The following TMPRSS15 variants were observed in gnomAD, a reference collection of about 807,000 sequenced individuals.
TMPRSS15 encodes transmembrane serine protease 15, also known as enteropeptidase.
A neutral mutation model predicts 125.3 loss-of-function variants in TMPRSS15; 128 were observed. That is an observed-to-expected ratio of 1.02 (90% CI 0.89 to 1.18). TMPRSS15 has a LOEUF of 1.18. TMPRSS15 is among the 50% of genes most tolerant of loss of function. The probability of loss-of-function intolerance (pLI) is 0.00; values close to 1 mark genes in which losing one functional copy is unlikely to be tolerated. For synonymous variants in TMPRSS15, 446 were observed against 423.2 expected, an observed-to-expected ratio of 1.05 and a Z score of -0.66; for missense variants, 1,283 against 1,212.7, an observed-to-expected ratio of 1.06 and a Z score of -0.86.
At chr21:18,323,725 C>T (rs2075263200) in intron 16 of TMPRSS15, among the ~76,000 whole-genome samples, 1 of 151,904 alleles carries the variant, frequency 6.6e-6, no homozygotes, top group South Asian at 2.1e-4. Context: ...TTCAAAAATC[C>T]TTTCCTTGAC....
At chr21:18,370,757 G>A (rs2075784442) in intron 6 of TMPRSS15, among the ~76,000 whole-genome samples, 1 of 152,070 alleles carries the variant, frequency 6.6e-6, no homozygotes, top group Non-Finnish European at 1.5e-5. Flanking sequence ...TAGTAGAGTT[G>A]CCTTTCATTG....
chr21:18,325,626 G>A (rs376491401), intron 16 of TMPRSS15, among the ~76,000 whole-genome samples: 21 of 152,054 alleles, frequency 1.4e-4, no homozygotes, highest in African/African-American at 3.4e-4. Flanking sequence ...GGAAGAGAAA[G>A]AGAGATGTAG....
intron 1 of TMPRSS15, among the ~76,000 whole-genome samples, chr21:18,440,788 A>T (rs1212829506): frequency 6.6e-6 from 1 of 152,190 alleles, no homozygotes; most frequent in Non-Finnish European, 1.5e-5. Context: ...ATTGACATTC[A>T]TTGTAGTATC....
intron 1 of TMPRSS15, among the ~76,000 whole-genome samples, chr21:18,481,133 G>A (rs1482621883): frequency 6.6e-6 from 1 of 151,742 alleles, no homozygotes; most frequent in Non-Finnish European, 1.5e-5. Flanking sequence ...TGTGTCCTCT[G>A]GAAAGTTATT....
At chr21:18,354,682 G>C (rs184399635) in intron 8 of TMPRSS15, among the ~76,000 whole-genome samples, 8 of 151,822 alleles carry the variant, frequency 5.3e-5, no homozygotes, top group African/African-American at 1.9e-4. Flanking sequence ...TAGTGCATAT[G>C]AAATATTAGA....
intron 23 of TMPRSS15, 42 bp downstream of exon 23, chr21:18,278,922 A>G: frequency 1.2e-6 from 1 of 838,468 alleles, no homozygotes; most frequent in Non-Finnish European, 1.9e-6. Flanking sequence ...TTCACCAGTA[A>G]GGTTTTTTTT....
At chr21:18,334,005 A>G (rs2075368384) in intron 13 of TMPRSS15, among the ~76,000 whole-genome samples, 1 of 152,116 alleles carries the variant, frequency 6.6e-6, no homozygotes, top group South Asian at 2.1e-4. Context: ...TGAAAGGCAT[A>G]TAATACTGAG....
intron 1 of TMPRSS15, among the ~76,000 whole-genome samples, chr21:18,478,917 ACT>A (rs1396391744): frequency 4.0e-5 from 6 of 151,844 alleles, no homozygotes; most frequent in Non-Finnish European, 8.8e-5. Context: ...CACCCTCCAG[ACT>A]CTCACAGATA....
chr21:18,482,903 C>G (rs1979010012), intron 1 of TMPRSS15, among the ~76,000 whole-genome samples: 1 of 151,720 alleles, frequency 6.6e-6, no homozygotes, highest in Non-Finnish European at 1.5e-5. Flanking sequence ...TAATATGTAA[C>G]TATTTCCTTA....
Position 18,451,752 on chromosome 21 carries a change from TG to T in TMPRSS15, c.10+34046del, listed in dbSNP as rs574634894. Among the ~76,000 whole-genome samples, 5 of 152,308 alleles carry T rather than the reference TG, an allele frequency of 3.3e-5. No homozygotes were observed. The South Asian group carries it at 6.2e-4, about 19-fold the overall frequency. On this transcript the variant is annotated intron_variant, in intron 1 of 7. Transcript: ENST00000422787. ...TACTCTGTTTTCTATACTTTCCTGG[TG>T]GAAAAGGTTCAGTTTTTGTATGACT... is the stretch of plus-strand genomic sequence containing the variant.
In TMPRSS15 at chr21:18,279,017, A is replaced by C; in HGVS notation, c.2711T>G (p.Phe904Cys). Residue 904 changes from phenylalanine (F) to cysteine (C), a missense_variant, in exon 23 of 25, where the codon TTT becomes TGT. Phe to Cys is a radical substitution (Grantham distance 205). Transcript: ENST00000284885. ...PICLPEENQV[F>C]PPGRNCSIAG... ...AATAGAACAATTTCTTCCTGGAGGAAAAACTTGATTTTCTTCCGGTAAACA... is the reference window on the plus strand; with the variant it reads ...AATAGAACAATTTCTTCCTGGAGGACAAACTTGATTTTCTTCCGGTAAACA... The C allele has an allele frequency of 6.2e-7, 1 of 1,604,102 alleles. No individual in the cohort carries two copies. Among genetic ancestry groups the C allele is most frequent in the South Asian group, 1.1e-5 (1 of 90,452 alleles).
intron 3 of TMPRSS15, among the ~76,000 whole-genome samples, chr21:18,384,540 A>C (rs764802956): frequency 1.3e-5 from 2 of 152,166 alleles, no homozygotes; most frequent in Non-Finnish European, 2.9e-5. Flanking sequence ...CAGTGTAAAG[A>C]AAGAGAAAAA....
At chr21:18,281,654 T>C (rs1344640717) in intron 21 of TMPRSS15, among the ~76,000 whole-genome samples, 1 of 152,162 alleles carries the variant, frequency 6.6e-6, no homozygotes, top group African/African-American at 2.4e-5. Context: ...TATGGCTAGG[T>C]TGGAGAACCT....
In TMPRSS15 at chr21:18,326,584, GA is replaced by G. The variant is rs1309180222; in HGVS notation, c.1781-13del. ...CCCTGTGTACACAGCTGTTCCAAAG[GA>G]AAACGAGATAATCAGTGAGATGATC... On this transcript the variant is annotated splice_polypyrimidine_tract_variant and intron_variant, in intron 15 of 24. Transcript: ENST00000284885. The G allele has an allele frequency of 1.2e-6, 2 of 1,613,972 alleles. No homozygotes were observed. The highest frequency in any genetic ancestry group is 2.2e-5 in the East Asian group (1 of 44,868).
intron 1 of TMPRSS15, among the ~76,000 whole-genome samples, chr21:18,460,360 T>C (rs1401861270): frequency 6.9e-6 from 1 of 145,108 alleles, no homozygotes; most frequent in African/African-American, 2.9e-5. Flanking sequence ...CATTTTTTCT[T>C]TCTCGAGTGG....
At chr21:18,272,615 C>T (rs1043573322) in intron 24 of TMPRSS15, among the ~76,000 whole-genome samples, 7 of 152,034 alleles carry the variant, frequency 4.6e-5, no homozygotes, top group African/African-American at 1.7e-4. Flanking sequence ...ATCCCAGCTA[C>T]TCGGGAGGCT....
chr21:18,298,546 C>A (rs1248687183), intron 18 of TMPRSS15, among the ~76,000 whole-genome samples: 13 of 152,210 alleles, frequency 8.5e-5, no homozygotes, highest in Non-Finnish European at 1.5e-5. Flanking sequence ...ATGCTCTCAA[C>A]TGTGAGCTCT....
At chr21:18,291,373 C>T (rs1441014401) in intron 21 of TMPRSS15, among the ~76,000 whole-genome samples, 1 of 152,158 alleles carries the variant, frequency 6.6e-6, no homozygotes, top group Admixed American at 6.5e-5. Flanking sequence ...ATAGAGAAAC[C>T]GAACAGGCAC....
intron 6 of TMPRSS15, among the ~76,000 whole-genome samples, chr21:18,365,743 C>CTT (rs36165986): frequency 0.011 from 957 of 83,854 alleles, 54 homozygotes; most frequent in African/African-American, 0.026. Flanking sequence ...CTCTTTTTTC[C>CTT]TTTTTTTTTT....
Sources: allele counts gnomAD v4.1 joint callset (sites outside exome capture counted in the v4.1 genomes callset), GRCh38; gene constraint gnomAD v4.1.1; transcripts MANE v1.5; gene names NCBI Gene and HGNC (gene_info 2026-07-23, HGNC 2026-07-21).